Variants in PTPRO observed in about 807,000 individuals in gnomAD.
PTPRO encodes receptor-type tyrosine-protein phosphatase O.
A neutral mutation model predicts 145.2 loss-of-function variants in PTPRO; 62 were observed. The ratio of observed to expected loss-of-function variants is 0.43; its 90% confidence interval spans 0.35 to 0.53. PTPRO has a LOEUF of 0.53. Ranked by LOEUF, PTPRO falls within the 20% of genes least tolerant of loss-of-function variation. The pLI, the probability that PTPRO is intolerant of heterozygous loss-of-function variation, is 0.01. For synonymous variants in PTPRO, 565 were observed against 514.7 expected (o/e 1.10, Z -1.32); for missense variants, 1,345 against 1,482.7 (o/e 0.91, Z 1.53).
chr12:15,324,494 AGGTCCAGCCT>A (rs1366496716), intron 1 of PTPRO, among the ~76,000 whole-genome samples: 2 of 152,260 alleles, frequency 1.3e-5, no homozygotes, highest in Non-Finnish European at 2.9e-5. Context: ...ATTGTCATAG[AGGTCCAGCCT>A]GCTTCACATA....
intron 20 of PTPRO, among the ~76,000 whole-genome samples, chr12:15,579,461 G>A (rs1262299758): frequency 6.6e-6 from 1 of 152,250 alleles, no homozygotes; most frequent in Non-Finnish European, 1.5e-5. Context: ...TACACGCTGT[G>A]GAGCTAGGCA....
chr12:15,342,399 G>A (rs779799247), intron 1 of PTPRO, among the ~76,000 whole-genome samples: 2 of 149,740 alleles, frequency 1.3e-5, no homozygotes, highest in Non-Finnish European at 3.0e-5. Flanking sequence ...TCTTTCATAT[G>A]TTATATTTGA....
intron 1 of PTPRO, among the ~76,000 whole-genome samples, chr12:15,468,256 A>G (rs1286055242): frequency 1.3e-5 from 2 of 152,186 alleles, no homozygotes; most frequent in African/African-American, 2.4e-5. Context: ...GCCAGCAAGT[A>G]ACATCATAAA....
At chr12:15,481,275 C>G (rs1279186798) in intron 1 of PTPRO, among the ~76,000 whole-genome samples, 2 of 152,150 alleles carry the variant, frequency 1.3e-5, no homozygotes, top group Non-Finnish European at 2.9e-5. Flanking sequence ...ATGTTAGAAA[C>G]CTGCCCATGT....
intron 12 of PTPRO, among the ~76,000 whole-genome samples, chr12:15,538,733 T>G (rs1565693494): frequency 6.6e-6 from 1 of 152,214 alleles, no homozygotes; most frequent in Non-Finnish European, 1.5e-5. Context: ...TCTGGAGGCC[T>G]GGTCATCCCC....
At chr12:15,566,656 TAC>T (rs1157379242) in intron 18 of PTPRO, among the ~76,000 whole-genome samples, 1 of 152,008 alleles carries the variant, frequency 6.6e-6, no homozygotes, top group Non-Finnish European at 1.5e-5. Context: ...CAGTAGCTAA[TAC>T]TACAGGCACA....
rs201304475 is a variant in PTPRO at position 15,556,384 on chromosome 12, A to T, written c.2559-1071A>T. ...ATCTCTGCTTCAGTTCTGAGTATTA[A>T]ATCCATTAATTCCGTATAAAGAAAA... On this transcript the variant is annotated intron_variant, in intron 15 of 26. Coordinates refer to ENST00000281171, the MANE Select transcript of PTPRO (RefSeq NM_030667.3). Among the ~76,000 whole-genome samples the T allele has an allele frequency of 9.8e-5, 15 of 152,310 alleles. No individual in the cohort carries two copies. The East Asian group carries it at 2.7e-3, about 27-fold the overall frequency.
intron 13 of PTPRO, among the ~76,000 whole-genome samples, chr12:15,548,575 T>C (rs1399081810): frequency 6.6e-6 from 1 of 152,002 alleles, no homozygotes; most frequent in Non-Finnish European, 1.5e-5. Flanking sequence ...TGTGTGTGTC[T>C]TCCCAAATTT....
chr12:15,470,393 G>A (rs1227515600), intron 1 of PTPRO, among the ~76,000 whole-genome samples: 1 of 152,110 alleles, frequency 6.6e-6, no homozygotes. Context: ...AATGTTCTGA[G>A]GATCAAAGGA....
intron 6 of PTPRO, among the ~76,000 whole-genome samples, chr12:15,504,633 C>A (rs1671219180): frequency 6.6e-6 from 1 of 152,144 alleles, no homozygotes; most frequent in Non-Finnish European, 1.5e-5. Context: ...GAAGGTTGCA[C>A]AAACAGTGCC....
intron 1 of PTPRO, among the ~76,000 whole-genome samples, chr12:15,445,107 A>G (rs145875805): frequency 6.6e-6 from 1 of 152,276 alleles, no homozygotes; most frequent in African/African-American, 2.4e-5. Context: ...GAAAAAGCAT[A>G]TTAGAAAACA....
intron 1 of PTPRO, among the ~76,000 whole-genome samples, chr12:15,354,914 G>T (rs1038708929): frequency 6.6e-6 from 1 of 152,014 alleles, no homozygotes; most frequent in African/African-American, 2.4e-5. Flanking sequence ...TTTTATAAAA[G>T]GTCCCTAAAG....
chr12:15,421,651 C>T (rs1335734726), intron 1 of PTPRO, among the ~76,000 whole-genome samples: 1 of 152,168 alleles, frequency 6.6e-6, no homozygotes, highest in African/African-American at 2.4e-5. Context: ...TATTCTGTAT[C>T]ACAATGGTAT....
At chr12:15,446,740 T>C (rs1232226622) in intron 1 of PTPRO, among the ~76,000 whole-genome samples, 2 of 151,164 alleles carry the variant, frequency 1.3e-5, no homozygotes, top group African/African-American at 2.4e-5. Context: ...GGTAAATAAA[T>C]ATAAGTAGGA....
intron 1 of PTPRO, among the ~76,000 whole-genome samples, chr12:15,409,070 T>C (rs557635483): frequency 1.1e-4 from 17 of 151,950 alleles, no homozygotes; most frequent in Non-Finnish European, 1.3e-4. Flanking sequence ...CCTATAATTA[T>C]TATGTTTAAA....
intron 1 of PTPRO, among the ~76,000 whole-genome samples, chr12:15,349,170 T>C (rs1435695610): frequency 1.3e-5 from 2 of 152,150 alleles, no homozygotes; most frequent in African/African-American, 4.8e-5. Flanking sequence ...TTAAGGAAGG[T>C]GTTAAATCTA....
At chr12:15,378,174 T>A (rs1585476) in intron 1 of PTPRO, among the ~76,000 whole-genome samples, 22,436 of 151,414 alleles carry the variant, frequency 0.15, 3,742 homozygotes, top group African/African-American at 0.41. Context: ...AATGGAGAAT[T>A]AAAAAAACAG....
intron 7 of PTPRO, 97 bp from the exon 8 acceptor site, chr12:15,515,401 G>C: frequency 6.6e-7 from 1 of 1,505,472 alleles, no homozygotes. Context: ...AAAGTCATCT[G>C]TGATTCCAAA....
chr12:15,548,936 G>C (rs1369781139), intron 13 of PTPRO, among the ~76,000 whole-genome samples, 158 bp from the exon 14 acceptor site: 7 of 152,024 alleles, frequency 4.6e-5, no homozygotes, highest in African/African-American at 1.7e-4. Flanking sequence ...TTGGTCAGAT[G>C]GGGAATGGGG....
Sources: gnomAD v4.1 joint callset for allele counts (sites outside exome capture counted in the v4.1 genomes callset) on GRCh38, gnomAD v4.1.1 for gene constraint, MANE v1.5 for transcripts, NCBI Gene and HGNC (gene_info 2026-07-23, HGNC 2026-07-21) for gene names.